The following CABP4 variants were observed in gnomAD, a reference collection of about 807,000 sequenced individuals.
CABP4 encodes calcium-binding protein 4.
A neutral mutation model predicts 30.7 loss-of-function variants in CABP4; 30 were observed. The ratio of observed to expected loss-of-function variants is 0.98; its 90% CI spans 0.73 to 1.33. CABP4 has a LOEUF of 1.33. Ranked by LOEUF, CABP4 falls within the 40% of genes most tolerant of loss-of-function variation. The pLI is 0.00. For missense variants in CABP4, 424 were observed against 395.5 expected (o/e 1.07, Z -0.61); for synonymous variants, 161 against 159.2 (o/e 1.01, Z -0.08).
Position 67,455,779 on chromosome 11 carries a change from T to G in CABP4, c.356T>G (p.Val119Gly). ...ACATACGGGCCCCTGCTCAATCGAG[T>G]CTTCGGGAAGGTTAGGTGGGACCTG... ...QRTYGPLLNRVFGKDRELGPE... is the reference protein window; with the variant it reads ...QRTYGPLLNRGFGKDRELGPE... The change falls in exon 1 of 6, where the codon GTC becomes GGC. Residue 119 changes from valine to glycine, a missense_variant. Physicochemically the swap from Val to Gly is moderately radical, Grantham distance 109. Transcript: ENST00000325656. The G allele has an allele frequency of 6.3e-7, 1 of 1,575,508 alleles. No homozygotes were observed. The highest frequency in any genetic ancestry group is 8.6e-7 in the Non-Finnish European group (1 of 1,161,446).
chr11:67,454,876 T>C (rs974860680), upstream of CABP4, among the ~76,000 whole-genome samples: 6 of 152,166 alleles, frequency 3.9e-5, no homozygotes, highest in Admixed American at 6.5e-5. Flanking sequence ...TCTTCCTCCA[T>C]TTCACACACC....
chr11:67,457,292 G>A (rs370404954), intron 3 of CABP4, among the ~76,000 whole-genome samples: 2 of 152,148 alleles, frequency 1.3e-5, no homozygotes, highest in South Asian at 2.1e-4. Flanking sequence ...CCAATGCCAC[G>A]CACATCAGCA....
At chr11:67,455,221 C>A (rs1033115852), upstream of CABP4, 11 of 603,286 alleles carry the variant, frequency 1.8e-5, no homozygotes, top group Non-Finnish European at 3.0e-5. Context: ...TTCTCTGGAC[C>A]CATCTGGCTC....
upstream of CABP4, chr11:67,452,929 C>T (rs1409035068): frequency 1.2e-5 from 6 of 515,944 alleles, no homozygotes; most frequent in Admixed American, 3.5e-5. Context: ...ATACAATCTA[C>T]TTTACAGGCG....
At chr11:67,453,527 G>A (rs1242675011), upstream of CABP4, 1 of 152,076 alleles carries the variant, frequency 6.6e-6, no homozygotes. Context: ...ATACAAAATT[G>A]GCTGGCCGTG....
upstream of CABP4, chr11:67,452,998 C>A: frequency 2.7e-6 from 1 of 376,690 alleles, no homozygotes; most frequent in Non-Finnish European, 4.7e-6. Context: ...GGGCTCAACC[C>A]AGACTTTTCT....
Position 67,459,614 on chromosome 11 carries a change from A to G in CABP4, c.*955A>G, listed in dbSNP as rs1864948861. The stretch of plus-strand genomic sequence containing the variant: ...CTCTCTCCAGGGTGTGAAAAACTGG[A>G]AAAAAACCCTGCCGCTCCCAAAGGG... On this transcript the variant is annotated 3_prime_UTR_variant, in exon 6 of 6. Coordinates refer to ENST00000325656, the MANE Select transcript of CABP4 (RefSeq NM_145200.5). 1 of 152,156 alleles carries G rather than the reference A, an allele frequency of 6.6e-6. No individual in the cohort carries two copies. Among genetic ancestry groups the G allele is most frequent in the Non-Finnish European group, 1.5e-5 (1 of 68,022 alleles). 9.4% of individuals were successfully genotyped at this position (152,156 alleles called of 1,614,324 possible).
chr11:67,455,578 G>A lies in CABP4; in HGVS notation c.155G>A (p.Arg52Gln), dbSNP rs145789542. Residue 52 changes from arginine (R) to glutamine (Q), a missense_variant, in exon 1 of 6, where the codon CGA (arginine) becomes CAA (glutamine). Physicochemically the swap from Arg to Gln is conservative, Grantham distance 43 (BLOSUM62 1). Transcript: ENST00000325656. ...AAGGAGAGGGGGCTCCGAGGGTCTC[G>A]AAAGCGCACTGGCAGCTCTGGGGAG... The part of the protein sequence containing the change: ...SKKERGLRGS[R>Q]KRTGSSGEQT... 3.2e-4 allele frequency: 507 copies of A among 1,603,682 alleles called. 1 individual carries two copies. The African/African-American group carries it at 4.7e-3, about 15-fold the overall frequency.
chr11:67,455,790 G>T lies in CABP4; in HGVS notation c.366+1G>T, dbSNP rs754194901. ...CCTGCTCAATCGAGTCTTCGGGAAG[G>T]TTAGGTGGGACCTGGATTGGGCTGG... On this transcript the variant is annotated splice_donor_variant, in intron 1 of 5. Transcript: ENST00000325656. LOFTEE classifies it high-confidence loss of function. 5.5e-5 allele frequency: 86 copies of T among 1,567,084 alleles called. No individual in the cohort carries two copies. The highest frequency in any genetic ancestry group is 7.2e-5 in the Non-Finnish European group (83 of 1,156,616).
rs1027084681 is a variant in CABP4 at position 67,455,696 on chromosome 11, C to T, written c.273C>T (p.Ala91=). 20 of 1,607,840 alleles carry T rather than the reference C, an allele frequency of 1.2e-5. No individual in the cohort carries two copies. Among genetic ancestry groups the T allele is most frequent in the Non-Finnish European group, 1.7e-5 (20 of 1,178,454 alleles). ...AGAPPASPGP[A]SSRQSHRHRP... is the part of the protein sequence containing the mutation. ...CACCCCCTGCATCCCCTGGGCCGGC[C>T]TCTTCTCGCCAGTCCCACCGACATC... is the stretch of plus-strand genomic sequence containing the variant. Residue 91 remains alanine, a synonymous_variant, in exon 1 of 6, where the codon GCC becomes GCT. Transcript: ENST00000325656.
rs1165876231 is a variant in CABP4, at chr11:67,455,652, G to A, written c.229G>A (p.Gly77Arg). The A allele has an allele frequency of 1.9e-6, 3 of 1,610,456 alleles. No individual in the cohort carries two copies. Among genetic ancestry groups the A allele is most frequent in the Middle Eastern group, 1.7e-4 (1 of 6,056 alleles). ...GAGCAGCAATAACCCTCCCAGCACTGGAGAGGGGCCGGCGGGCGCACCCCC... is the reference window on the plus strand; with the variant it reads ...GAGCAGCAATAACCCTCCCAGCACTAGAGAGGGGCCGGCGGGCGCACCCCC... ...PGSSNNPPST[G>R]EGPAGAPPAS... The change falls in exon 1 of 6, where the codon GGA (glycine) becomes AGA (arginine). Residue 77 changes from glycine (G) to arginine (R), a missense_variant. Gly to Arg is a moderately radical substitution (Grantham distance 125). Coordinates refer to ENST00000325656, the MANE Select transcript of CABP4 (RefSeq NM_145200.5).
At chr11:67,456,757 C>T (rs1361448976) in intron 3 of CABP4, among the ~76,000 whole-genome samples, 2 of 152,232 alleles carry the variant, frequency 1.3e-5, no homozygotes, top group Non-Finnish European at 2.9e-5. Flanking sequence ...GCCCAGAAGC[C>T]CCTGACTCAG....
Position 67,457,697 on chromosome 11 carries a change from G to A in CABP4, c.651+15G>A, listed in dbSNP as rs199749736. ...CCTTCCGAGAGGTGCGGAGTGTGGT[G>A]AGGTGGGCAGAGGGGGGCAGGGCTG... On this transcript the variant is annotated intron_variant, in intron 4 of 5. Coordinates refer to ENST00000325656, the MANE Select transcript of CABP4 (RefSeq NM_145200.5). 9.7e-4 allele frequency: 1,507 copies of A among 1,556,272 alleles called. 1 individual carries two copies. Among genetic ancestry groups the A allele is most frequent in the Non-Finnish European group, 1.2e-3 (1,386 of 1,147,094 alleles).
chr11:67,458,655 A>C lies in CABP4; in HGVS notation c.824A>C (p.His275Pro), dbSNP rs1473514865. 3 of 1,614,016 alleles carry C rather than the reference A, an allele frequency of 1.9e-6. No individual in the cohort carries two copies. Among genetic ancestry groups the C allele is most frequent in the Admixed American group, 3.3e-5 (2 of 60,018 alleles). Residue 275 changes from histidine to proline, a missense_variant, in exon 6 of 6, where the codon CAC becomes CCC. His to Pro is a moderately conservative substitution (Grantham distance 77). Transcript: ENST00000325656. ...GAGTTTGTGATGATGCTCTCCCGCCACTGAGGCTCCAGGAGGGAATATCTG... is the reference window on the plus strand; with the variant it reads ...GAGTTTGTGATGATGCTCTCCCGCCCCTGAGGCTCCAGGAGGGAATATCTG... ...FDEFVMMLSR[H>P]
rs546900003 is a variant in CABP4 at position 67,456,248 on chromosome 11, G to A, written c.397+30G>A. 16 of 1,613,562 alleles carry A rather than the reference G, an allele frequency of 9.9e-6. No individual in the cohort carries two copies. The South Asian group carries it at 1.5e-4, about 16-fold the overall frequency. On this transcript the variant is annotated intron_variant, in intron 2 of 5. Coordinates refer to ENST00000325656, the MANE Select transcript of CABP4 (RefSeq NM_145200.5). Reference sequence around the variant, plus strand: ...GTGGCTCTTGCTGCTGGCAGGGGGTGGGAGCTGTCCCTGAGCCTGGCCACC... The same window carrying A: ...GTGGCTCTTGCTGCTGGCAGGGGGTAGGAGCTGTCCCTGAGCCTGGCCACC...
At chr11:67,454,292 T>C (rs1391995579), upstream of CABP4, among the ~76,000 whole-genome samples, 1 of 152,110 alleles carries the variant, frequency 6.6e-6, no homozygotes, top group Non-Finnish European at 1.5e-5. Flanking sequence ...TGGTATAGTC[T>C]GGGGAGGGAA....
chr11:67,454,969 G>A (rs1048749393), upstream of CABP4, among the ~76,000 whole-genome samples: 4 of 152,162 alleles, frequency 2.6e-5, no homozygotes, highest in African/African-American at 9.7e-5. Context: ...GCCGTTGTCC[G>A]CATGCCTCCT....
chr11:67,455,339 T>G, upstream of CABP4: 1 of 1,504,218 alleles, frequency 6.6e-7, no homozygotes, highest in Non-Finnish European at 8.9e-7. Context: ...GCTCTAAGAG[T>G]GGGGGTGCAT....
In CABP4 at chr11:67,461,272, A is replaced by G. The variant is rs1865005417; in HGVS notation, c.*2613A>G. Among the ~76,000 whole-genome samples, 1 of 152,168 alleles carries G rather than the reference A, an allele frequency of 6.6e-6. No individual in the cohort carries two copies. Among genetic ancestry groups the G allele is most frequent in the African/African-American group, 2.4e-5 (1 of 41,436 alleles). ...CACTGCACTCCAGCCTTGGTGACAG[A>G]GCAAGAGACCCTGTCTCAAAGAAAA... On this transcript the variant is annotated 3_prime_UTR_variant, in exon 6 of 6. Transcript: ENST00000325656.
Sources: gnomAD v4.1 joint callset for allele counts (sites outside exome capture counted in the v4.1 genomes callset) on GRCh38, gnomAD v4.1.1 for gene constraint, MANE v1.5 for transcripts, NCBI Gene and HGNC (gene_info 2026-07-23, HGNC 2026-07-21) for gene names.